PHKA2: variants seen among roughly 807,000 people sequenced by gnomAD.
PHKA2 encodes the protein phosphorylase kinase regulatory subunit alpha 2.
Under a neutral mutation model 102.0 loss-of-function variants are expected in PHKA2, and 31 were observed. The observed-to-expected ratio is 0.30, with a 90% confidence interval of 0.23 to 0.41. PHKA2 has a LOEUF of 0.41. Among genes scored for constraint, PHKA2 ranks in the 10% least tolerant of loss-of-function variants. The pLI is 1.00. For missense variants in PHKA2, 858 were observed against 1,023.1 expected, an observed-to-expected ratio of 0.84 and a Z score of 2.20; for synonymous variants, 455 against 416.2, an observed-to-expected ratio of 1.09 and a Z score of -1.13.
chrX:18,983,307 C>T (rs1352382118), intron 1 of PHKA2, among the ~76,000 whole-genome samples: 1 of 112,512 alleles, frequency 8.9e-6, no homozygotes, highest in Non-Finnish European at 1.9e-5. Flanking sequence ...AGCTTGGGAG[C>T]CTTTGGGTCT....
At chrX:18,977,427 C>T (rs956585904) in intron 1 of PHKA2, among the ~76,000 whole-genome samples, 4 of 111,673 alleles carry the variant, frequency 3.6e-5, no homozygotes, top group Admixed American at 2.9e-4. Flanking sequence ...TTGTTTCTTA[C>T]GGTGCTCCAA....
Position 18,908,924 on chromosome X carries a change from C to T in PHKA2, c.2237G>A (p.Ser746Asn), listed in dbSNP as rs768995684. 3 of 1,210,331 alleles carry T rather than the reference C, an allele frequency of 2.5e-6. No homozygotes were observed. The highest frequency in any genetic ancestry group is 3.4e-6 in the Non-Finnish European group (3 of 894,284). The change falls in exon 21 of 33, where the codon AGT (serine) becomes AAT (asparagine). Residue 746 changes from serine to asparagine, a missense_variant. By Grantham distance (46) the Ser-to-Asn change is conservative (BLOSUM62 1). Around this residue, in one of 2 missense-constraint regions of PHKA2, gnomAD observed 671 missense variants for 745.2 expected, o/e 0.90. Coordinates refer to ENST00000379942, the MANE Select transcript of PHKA2 (RefSeq NM_000292.3). ...PQPLLEKVPE[S>N]DFQWPRDDHG... Reference sequence around the variant, plus strand: ...GTCATCTCTGGGCCACTGAAAGTCACTTTCAGGAACCTGTTCATACAAGAG... The same window carrying T: ...GTCATCTCTGGGCCACTGAAAGTCATTTTCAGGAACCTGTTCATACAAGAG...
intron 11 of PHKA2, among the ~76,000 whole-genome samples, chrX:18,932,466 G>A (rs1484468248): frequency 9.0e-6 from 1 of 110,632 alleles, no homozygotes; most frequent in Non-Finnish European, 1.9e-5. Context: ...GTCAACCAAA[G>A]GAAATAGGAA....
intron 1 of PHKA2, among the ~76,000 whole-genome samples, chrX:18,958,747 T>A (rs2048822037): frequency 9.1e-6 from 1 of 110,237 alleles, no homozygotes; most frequent in Non-Finnish European, 1.9e-5. Flanking sequence ...TCTCACTCTG[T>A]CACCCAGGCT....
chrX:18,927,641 T>C (rs1291740451), intron 13 of PHKA2, among the ~76,000 whole-genome samples: 1 of 111,952 alleles, frequency 8.9e-6, no homozygotes, highest in East Asian at 2.8e-4. Context: ...AGTATTTTAA[T>C]ATCCATTATC....
chrX:18,962,309 G>A lies in PHKA2; in HGVS notation c.79-7897C>T, dbSNP rs2048882383. 2.7e-5 allele frequency among the ~76,000 whole-genome samples: 3 copies of A among 111,781 alleles called. No homozygotes were observed. In the South Asian group the frequency reaches 1.1e-3, roughly 42 times the overall value. On this transcript the variant is annotated intron_variant, in intron 1 of 32. Coordinates refer to ENST00000379942, the MANE Select transcript of PHKA2 (RefSeq NM_000292.3). ...GGCAGGTAAGGACTGCAAAATGGAT[G>A]CTGAGCCAATACTGGAACAGCAGAA...
At chrX:18,902,561 A>G (rs2047713215) in intron 26 of PHKA2, among the ~76,000 whole-genome samples, 1 of 106,933 alleles carries the variant, frequency 9.4e-6, no homozygotes, top group Non-Finnish European at 1.9e-5. Flanking sequence ...CGGGATTTCG[A>G]GACCAGCCTG....
intron 8 of PHKA2, among the ~76,000 whole-genome samples, chrX:18,940,972 A>G (rs1030504242): frequency 8.9e-6 from 1 of 112,156 alleles, no homozygotes; most frequent in African/African-American, 3.2e-5. Flanking sequence ...GGACAAAAGC[A>G]TTTTTCATGG....
chrX:18,902,374 C>T (rs888441011), intron 26 of PHKA2, among the ~76,000 whole-genome samples: 7 of 105,032 alleles, frequency 6.7e-5, no homozygotes, highest in South Asian at 4.5e-4. Context: ...TGGGCTCAAG[C>T]GATCTGCCCG....
intron 26 of PHKA2, among the ~76,000 whole-genome samples, chrX:18,903,176 G>A (rs2047730667): frequency 8.9e-6 from 1 of 112,269 alleles, no homozygotes; most frequent in South Asian, 3.7e-4. Context: ...CTGCCTTTTT[G>A]TACTTGTATC....
At chrX:18,955,374 GTTTT>G in intron 1 of PHKA2, among the ~76,000 whole-genome samples, 1 of 90,311 alleles carries the variant, frequency 1.1e-5, no homozygotes, top group Admixed American at 1.2e-4. Context: ...GCTGCTAGTA[GTTTT>G]TTTTTTTTTT....
chrX:18,967,584 T>G (rs1315759206), intron 1 of PHKA2, among the ~76,000 whole-genome samples: 1 of 108,449 alleles, frequency 9.2e-6, no homozygotes, highest in Non-Finnish European at 1.9e-5. Flanking sequence ...CTCTATCCAT[T>G]AGAAAATTCT....
In PHKA2 at chrX:18,895,733, T is replaced by G. The variant is rs753857042; in HGVS notation, c.3283-542A>C. 25 of 123,322 alleles carry G rather than the reference T, an allele frequency of 2.0e-4. No homozygotes were observed. The South Asian group carries it at 7.0e-3, about 34-fold the overall frequency. The allele number at this position is 123,322 out of a possible 1,213,427, so 10.2% of individuals were successfully genotyped here. On this transcript the variant is annotated intron_variant, in intron 30 of 32. Transcript: ENST00000379942. Reference sequence around the variant, plus strand: ...TAGAAATATCTTGGTATTGCGCCAGTGAGTCCGAGCGGAAGCATGTGATGC... The same window carrying G: ...TAGAAATATCTTGGTATTGCGCCAGGGAGTCCGAGCGGAAGCATGTGATGC...
intron 18 of PHKA2, among the ~76,000 whole-genome samples, chrX:18,919,509 A>T (rs963910118): frequency 2.7e-5 from 3 of 110,490 alleles, no homozygotes; most frequent in Non-Finnish European, 5.7e-5. Context: ...GTTTAAGACC[A>T]GCCAGGGCAA....
In PHKA2 at chrX:18,906,807, G is replaced by T. The variant is rs1192881117; in HGVS notation, c.2605C>A (p.Pro869Thr). ...ATGAGTTTTGTGAGCTCCTCTGGGG[G>T]AAGGGGCCTAGAAAGGAGCATTGTG... Reference protein sequence around the residue: ...PREKIISAPLPPEELTKLIYE... With the variant: ...PREKIISAPLTPEELTKLIYE... Residue 869 changes from proline to threonine, a missense_variant, in exon 24 of 33, where the codon CCC (proline) becomes ACC (threonine). Transcript: ENST00000379942. 1 of 1,206,639 alleles carries T rather than the reference G, an allele frequency of 8.3e-7. No homozygotes were observed. Among genetic ancestry groups the T allele is most frequent in the African/African-American group, 1.7e-5 (1 of 57,334 alleles).
chrX:18,932,832 G>T (rs185985431), intron 11 of PHKA2, among the ~76,000 whole-genome samples: 35 of 111,858 alleles, frequency 3.1e-4, no homozygotes, highest in Admixed American at 3.0e-3. Flanking sequence ...AAGACTGAAA[G>T]GTCAGGCATG....
intron 11 of PHKA2, among the ~76,000 whole-genome samples, chrX:18,935,061 C>G (rs1364409188): frequency 1.8e-5 from 2 of 112,448 alleles, no homozygotes; most frequent in Non-Finnish European, 3.8e-5. Context: ...CAACCTCCTC[C>G]AGGCCCTGGC....
intron 18 of PHKA2, 59 bp downstream of exon 18, chrX:18,919,973 A>T: frequency 1.1e-6 from 1 of 939,603 alleles, no homozygotes; most frequent in Non-Finnish European, 1.5e-6. Flanking sequence ...CAATTTTATC[A>T]CAATGCTAAA....
chrX:18,958,750 C>A (rs2048822101), intron 1 of PHKA2, among the ~76,000 whole-genome samples: 1 of 109,708 alleles, frequency 9.1e-6, no homozygotes, highest in Non-Finnish European at 1.9e-5. Context: ...CACTCTGTCA[C>A]CCAGGCTGGA....
Sources: allele counts gnomAD v4.1 joint callset (sites outside exome capture counted in the v4.1 genomes callset), GRCh38; gene constraint gnomAD v4.1.1; regional missense constraint gnomAD v4.1.1; transcripts MANE v1.5; gene names NCBI Gene and HGNC (gene_info 2026-07-23, HGNC 2026-07-21).